SEMA3B: variants seen among roughly 807,000 people sequenced by gnomAD.
SEMA3B encodes the protein semaphorin-3B.
In SEMA3B, 71 loss-of-function variants were observed where a neutral mutation model predicts 77.8. That is an observed-to-expected ratio of 0.91 (90% CI 0.75 to 1.11). SEMA3B has a LOEUF of 1.11. Among genes scored for constraint, SEMA3B ranks in the 50% most tolerant of loss-of-function variants. The pLI is 0.00. For synonymous variants in SEMA3B, 470 were observed against 452.9 expected, an observed-to-expected ratio of 1.04 and a Z score of -0.48; for missense variants, 968 against 1,056.8, an observed-to-expected ratio of 0.92 and a Z score of 1.17.
At chr3:50,271,850 G>A (rs998666920) in intron 6 of SEMA3B, among the ~76,000 whole-genome samples, 22 of 150,420 alleles carry the variant, frequency 1.5e-4, no homozygotes, top group Admixed American at 1.4e-3. Flanking sequence ...AGCATTCCAG[G>A]CAGAGGGAGC....
At chr3:50,269,138 C>G, upstream of SEMA3B, 2 of 849,618 alleles carry the variant, frequency 2.4e-6, no homozygotes, top group South Asian at 1.5e-5. The surrounding 1 kb of genome is among the most constrained non-coding windows in gnomAD (Gnocchi z 4.0). Flanking sequence ...CGCCCTCGCC[C>G]TCACTGCTGA....
At position 50,273,364 on chromosome 3, in the gene SEMA3B, T is replaced by A. The variant is rs1553705747; in HGVS notation, c.731T>A (p.Phe244Tyr). The A allele has an allele frequency of 3.1e-6, 5 of 1,613,850 alleles. No individual in the cohort carries two copies. In the Admixed American group the frequency reaches 8.3e-5, roughly 27 times the overall value. The change falls in exon 7 of 17, where the codon TTC (phenylalanine) becomes TAC (tyrosine). Residue 244 changes from phenylalanine to tyrosine, a missense_variant. By Grantham distance (22) the Phe-to-Tyr change is conservative. Coordinates refer to ENST00000616701, the MANE Select transcript of SEMA3B (RefSeq NM_001290060.2). The surrounding 1 kb of genome is among the most constrained non-coding windows in gnomAD (Gnocchi z 6.5). ...AACCCAGACGACGACAAAATCTACTTCTTCTTTCGTGAGACGGCGGTAGAG... is the reference window on the plus strand; with the variant it reads ...AACCCAGACGACGACAAAATCTACTACTTCTTTCGTGAGACGGCGGTAGAG... ...SENPDDDKIY[F>Y]FFRETAVEAA...
In SEMA3B at chr3:50,270,647, G is replaced by T. The variant is rs1701023226; in HGVS notation, c.330+152G>T. 1.7e-6 allele frequency: 2 copies of T among 1,178,538 alleles called. No homozygotes were observed. Among genetic ancestry groups the T allele is most frequent in the Non-Finnish European group, 2.4e-6 (2 of 844,510 alleles). The allele number at this position is 1,178,538 out of a possible 1,614,324, so 73.0% of individuals were successfully genotyped here. A position where few individuals can be genotyped will look rare whatever the true frequency, so the allele number is the denominator to read the frequency against. On this transcript the variant is annotated intron_variant, in intron 3 of 16. Coordinates refer to ENST00000616701, the MANE Select transcript of SEMA3B (RefSeq NM_001290060.2). The surrounding 1 kb of genome is among the most constrained non-coding windows in gnomAD (Gnocchi z 4.7). ...GTCTGGGGGTGGTGAGTCAGGGTGG[G>T]GGCTCGTGTAATTCTTCTGGGGTGC...
upstream of SEMA3B, chr3:50,263,352 A>T (rs1185091459): frequency 6.6e-6 from 1 of 151,652 alleles, no homozygotes; most frequent in African/African-American, 2.4e-5. Flanking sequence ...TACAAAAATT[A>T]ACTGTGTGTT....
Position 50,269,285 on chromosome 3 carries a change from G to C in SEMA3B, c.45G>C (p.Leu15=). Residue 15 remains leucine (L), a synonymous_variant, in exon 1 of 17, where the codon CTG becomes CTC. Coordinates refer to ENST00000616701, the MANE Select transcript of SEMA3B (RefSeq NM_001290060.2). This position sits in a 1 kb window ranked among gnomAD's most constrained non-coding sequence, Gnocchi z 4.0. ...GAAAVIPGLA[L]LWAVGLGSAA... ...CCGCCGTGATCCCGGGCCTGGCCCT[G>C]CTCTGGGCAGTGGGGCTGGGGAGTG... is the stretch of plus-strand genomic sequence containing the variant. 6.5e-7 allele frequency: 1 copy of C among 1,538,840 alleles called. No individual in the cohort carries two copies. Among genetic ancestry groups the C allele is most frequent in the South Asian group, 1.2e-5 (1 of 83,952 alleles).
In SEMA3B at chr3:50,275,493, AGGCGAAG is replaced by A. The variant is rs782773015; in HGVS notation, c.1649+37_1649+43del. ...GGTCGGGGTTGGGCCGCCGGGAGGG[AGGCGAAG>A]GGTCTTTCACTGCCCGGGGCTGAAA... On this transcript the variant is annotated intron_variant, in intron 14 of 16. Transcript: ENST00000616701. The surrounding 1 kb of genome is among the most constrained non-coding windows in gnomAD (Gnocchi z 7.5). 8.1e-6 allele frequency: 13 copies of A among 1,607,016 alleles called. No homozygotes were observed. The highest frequency in any genetic ancestry group is 2.7e-5 in the African/African-American group (2 of 74,866).
In SEMA3B at chr3:50,277,232, C is replaced by T. The variant is rs1258092538; in HGVS notation, c.*526C>T. On this transcript the variant is annotated 3_prime_UTR_variant, in exon 17 of 17. Coordinates refer to ENST00000616701, the MANE Select transcript of SEMA3B (RefSeq NM_001290060.2). ...TAGCGGTGTCAGGGCCCGAGTTTCT[C>T]CTGTCCAAGGTTGCCTGGTGAGGAT... 1 of 153,510 alleles carries T rather than the reference C, an allele frequency of 6.5e-6. No individual in the cohort carries two copies. The highest frequency in any genetic ancestry group is 2.4e-5 in the African/African-American group (1 of 41,470). The allele number at this position is 153,510 out of a possible 1,614,324, so 9.5% of individuals were successfully genotyped here. A position where few individuals can be genotyped will look rare whatever the true frequency, so the allele number is the denominator to read the frequency against.
rs1701123764 is a variant in SEMA3B, at chr3:50,273,677, AG to A, written c.922+37del. 1.9e-6 allele frequency: 3 copies of A among 1,593,972 alleles called. No individual in the cohort carries two copies. The highest frequency in any genetic ancestry group is 1.7e-6 in the Non-Finnish European group (2 of 1,169,840). ...TGCGGGAGTGGGTATGGGGTTGGGG[AG>A]GGGGGCAGCGGCGCAGACTCCGGGA... On this transcript the variant is annotated intron_variant, in intron 8 of 16. Coordinates refer to ENST00000616701, the MANE Select transcript of SEMA3B (RefSeq NM_001290060.2). The surrounding 1 kb of genome is among the most constrained non-coding windows in gnomAD (Gnocchi z 6.5).
chr3:50,271,642 A>G (rs587650582), intron 6 of SEMA3B, among the ~76,000 whole-genome samples, 162 bp downstream of exon 6: 4 of 152,284 alleles, frequency 2.6e-5, no homozygotes, highest in Admixed American at 6.5e-5. Context: ...GACAGGTATG[A>G]CCGTGACCTC....
chr3:50,266,445 C>G (rs1011936506), upstream of SEMA3B, among the ~76,000 whole-genome samples: 1 of 152,128 alleles, frequency 6.6e-6, no homozygotes, highest in African/African-American at 2.4e-5. Context: ...GGTCCTCAGG[C>G]TCAGGAAGGA....
chr3:50,272,000 G>A (rs186042717), intron 6 of SEMA3B, among the ~76,000 whole-genome samples: 2 of 152,342 alleles, frequency 1.3e-5, no homozygotes, highest in East Asian at 3.9e-4. Flanking sequence ...ATGGGGGCTG[G>A]GCACAATGGC....
Position 50,276,371 on chromosome 3 carries a change from TC to T in SEMA3B, c.1916del (p.Ser639TrpfsTer25), listed in dbSNP as rs1338921297. 5 of 1,535,018 alleles carry T rather than the reference TC, an allele frequency of 3.3e-6. No homozygotes were observed. The highest frequency in any genetic ancestry group is 4.4e-6 in the Non-Finnish European group (5 of 1,145,254). On this transcript the variant is annotated frameshift_variant, in exon 17 of 17. Transcript: ENST00000616701. LOFTEE classifies it low-confidence loss of function (END_TRUNC). This position sits in a 1 kb window ranked among gnomAD's most constrained non-coding sequence, Gnocchi z 5.8. ...LLLRRLRRRD[S>X]GVYLCAAVEQ... ...GCTGCGCAGGCTGCGGCGCCGGGAC[TC>T]GGGCGTGTACTTGTGCGCCGCCGTC...
chr3:50,265,298 G>T (rs782205098), upstream of SEMA3B, among the ~76,000 whole-genome samples: 9 of 152,212 alleles, frequency 5.9e-5, no homozygotes, highest in Non-Finnish European at 1.2e-4. Context: ...TGTGACGTTG[G>T]AGCCACAAGC....
In SEMA3B at chr3:50,269,335, G is replaced by A. The variant is rs913187131; in HGVS notation, c.95G>A (p.Arg32Gln). ...GCCGCCCCCAGCCCCCCACGCCTTC[G>A]GCTCTCCTTCCAAGGTAGGTGCACC... ...GSAAPSPPRLRLSFQELQAWH... is the reference protein window; with the variant it reads ...GSAAPSPPRLQLSFQELQAWH... The change falls in exon 1 of 17, where the codon CGG (arginine) becomes CAG (glutamine). Residue 32 changes from arginine (R) to glutamine (Q), a missense_variant. Physicochemically the swap from Arg to Gln is conservative, Grantham distance 43. Coordinates refer to ENST00000616701, the MANE Select transcript of SEMA3B (RefSeq NM_001290060.2). This position sits in a 1 kb window ranked among gnomAD's most constrained non-coding sequence, Gnocchi z 4.0. The A allele has an allele frequency of 4.0e-6, 6 of 1,508,594 alleles. No homozygotes were observed. Among genetic ancestry groups the A allele is most frequent in the South Asian group, 3.7e-5 (3 of 80,044 alleles). 93.5% of individuals were successfully genotyped at this position (1,508,594 alleles called of 1,614,324 possible).
chr3:50,263,151 C>T (rs1553704133), upstream of SEMA3B: 1 of 152,200 alleles, frequency 6.6e-6, no homozygotes, highest in East Asian at 1.9e-4. Context: ...AGAGCTAATG[C>T]ATCCCAGAAA....
chr3:50,274,660 T>C lies in SEMA3B; in HGVS notation c.1357+78T>C, dbSNP rs1315782568. 2 of 1,478,106 alleles carry C rather than the reference T, an allele frequency of 1.4e-6. No individual in the cohort carries two copies. Among genetic ancestry groups the C allele is most frequent in the Non-Finnish European group, 1.8e-6 (2 of 1,090,768 alleles). 91.6% of individuals were successfully genotyped at this position (1,478,106 alleles called of 1,614,324 possible). On this transcript the variant is annotated intron_variant, in intron 11 of 16. Transcript: ENST00000616701. This position sits in a 1 kb window ranked among gnomAD's most constrained non-coding sequence, Gnocchi z 4.7. ...GCTGATGGAAGCTCTCCCTGTTCAGTCCCATCTCCACATCCTTTCCTGGGC... is the reference window on the plus strand; with the variant it reads ...GCTGATGGAAGCTCTCCCTGTTCAGCCCCATCTCCACATCCTTTCCTGGGC...
rs1701118285 is a variant in SEMA3B, at chr3:50,273,507, C to T, written c.811-28C>T. On this transcript the variant is annotated intron_variant, in intron 7 of 16. Transcript: ENST00000616701. The surrounding 1 kb of genome is among the most constrained non-coding windows in gnomAD (Gnocchi z 6.5). ...TACCCCTTTGCCTGCCCTGGTCTCG[C>T]CCTCATCCCCTTTGATCGTCCCGGC... is the stretch of plus-strand genomic sequence containing the variant. 6.2e-7 allele frequency: 1 copy of T among 1,610,880 alleles called. No individual in the cohort carries two copies. Among genetic ancestry groups the T allele is most frequent in the Non-Finnish European group, 8.5e-7 (1 of 1,177,972 alleles).
In SEMA3B at chr3:50,273,959, G is replaced by T. The variant is rs1701136156; in HGVS notation, c.1039G>T (p.Val347Leu). Residue 347 changes from valine (V) to leucine (L), a missense_variant, in exon 10 of 17, where the codon GTG (valine) becomes TTG (leucine). Coordinates refer to ENST00000616701, the MANE Select transcript of SEMA3B (RefSeq NM_001290060.2). The surrounding 1 kb of genome is among the most constrained non-coding windows in gnomAD (Gnocchi z 6.5). ...SAVCVYSMND[V>L]RRAFLGPFAH... is the part of the protein sequence containing the mutation. ...GGTGTGCGTGTACAGCATGAACGACGTGCGCCGGGCCTTCTTGGGACCCTT... is the reference window on the plus strand; with the variant it reads ...GGTGTGCGTGTACAGCATGAACGACTTGCGCCGGGCCTTCTTGGGACCCTT... 1.2e-6 allele frequency: 2 copies of T among 1,613,612 alleles called. No homozygotes were observed. The highest frequency in any genetic ancestry group is 1.7e-6 in the Non-Finnish European group (2 of 1,179,632).
At position 50,273,403 on chromosome 3, in the gene SEMA3B, T is replaced by C. The variant is rs1447710161; in HGVS notation, c.770T>C (p.Leu257Pro). 1.9e-6 allele frequency: 3 copies of C among 1,613,666 alleles called. No individual in the cohort carries two copies. Among genetic ancestry groups the C allele is most frequent in the African/African-American group, 2.7e-5 (2 of 74,956 alleles). ...RETAVEAAPA[L>P]GRLSVSRVGQ... ...ACGGCGGTAGAGGCGGCGCCGGCAC[T>C]GGGACGCCTGTCCGTGTCCCGCGTT... is the stretch of plus-strand genomic sequence containing the variant. The change falls in exon 7 of 17, where the codon CTG becomes CCG. Residue 257 changes from leucine to proline, a missense_variant. By Grantham distance (98) the Leu-to-Pro change is moderately conservative (BLOSUM62 -3). Coordinates refer to ENST00000616701, the MANE Select transcript of SEMA3B (RefSeq NM_001290060.2). The surrounding 1 kb of genome is among the most constrained non-coding windows in gnomAD (Gnocchi z 6.5).
Sources: allele counts gnomAD v4.1 joint callset (sites outside exome capture counted in the v4.1 genomes callset), GRCh38; gene constraint gnomAD v4.1.1; non-coding constraint Gnocchi (gnomAD v3.1); transcripts MANE v1.5; gene names NCBI Gene and HGNC (gene_info 2026-07-23, HGNC 2026-07-21).